The following NUP160 variants were observed in gnomAD, a reference collection of about 807,000 sequenced individuals.
NUP160 encodes the protein nucleoporin 160.
Under a neutral mutation model 196.9 loss-of-function variants are expected in NUP160, and 94 were observed. The observed-to-expected ratio is 0.48, with a 90% CI of 0.40 to 0.57. The LOEUF is 0.57. NUP160 is among the 20% of genes least tolerant of loss of function. The pLI is 0.00. For missense variants in NUP160, 1,638 were observed against 1,748.3 expected (o/e 0.94, Z 1.13); for synonymous variants, 605 against 619.7 (o/e 0.98, Z 0.35).
exon 15 of NUP160, chr11:47,812,998 C>T: frequency 6.2e-7 from 1 of 1,612,512 alleles, no homozygotes; most frequent in Non-Finnish European, 8.5e-7. Context: ...ACTCTTCAAT[C>T]AGCCGGAGGC....
chr11:47,778,890 A>G (rs1478012637), exon 36 of NUP160: 1 of 445,402 alleles, frequency 2.2e-6, no homozygotes, highest in Non-Finnish European at 4.0e-6. Flanking sequence ...CAGCTATTTG[A>G]GACCAAGGTT....
intron 33 of NUP160, among the ~76,000 whole-genome samples, chr11:47,784,042 AC>A (rs2097663079): frequency 6.6e-6 from 1 of 151,986 alleles, no homozygotes; most frequent in Non-Finnish European, 1.5e-5. Flanking sequence ...AAAAAACAAA[AC>A]AAAACAAAAC....
chr11:47,840,591 G>A lies in NUP160; in HGVS notation c.315-3C>T, dbSNP rs1380682559. On this transcript the variant is annotated splice_region_variant and splice_polypyrimidine_tract_variant and intron_variant, in intron 2 of 35. Coordinates refer to ENST00000378460, the Ensembl canonical transcript of NUP160. ...CCAATGTATCTCCAGAGGTCTTCCT[G>A]TTGAAAAAGAGACATTTGTTTGAAA... The A allele has an allele frequency of 3.2e-6, 5 of 1,570,174 alleles. No individual in the cohort carries two copies. The highest frequency in any genetic ancestry group is 1.2e-5 in the South Asian group (1 of 86,018).
chr11:47,827,354 A>C (rs1219576490), intron 7 of NUP160, among the ~76,000 whole-genome samples: 1 of 146,994 alleles, frequency 6.8e-6, no homozygotes, highest in Non-Finnish European at 1.5e-5. Context: ...ACGGAGTGAG[A>C]CACTGTCTCA....
intron 34 of NUP160, among the ~76,000 whole-genome samples, chr11:47,782,306 ATATATATATATATATATAT>A (rs2097661756): frequency 0.011 from 472 of 42,320 alleles, 71 homozygotes; most frequent in African/African-American, 0.025. Flanking sequence ...AAAAAAAAAT[ATATATATATATATATATAT>A]ATATATATAT....
At chr11:47,781,558 C>T (rs144045809) in intron 34 of NUP160, among the ~76,000 whole-genome samples, 286 of 152,250 alleles carry the variant, frequency 1.9e-3, no homozygotes, top group Middle Eastern at 0.014. Flanking sequence ...GCTATTGCAC[C>T]TGGCTGATTT....
intron 20 of NUP160, among the ~76,000 whole-genome samples, chr11:47,805,113 T>TA (rs142650655): frequency 0.033 from 5,046 of 152,066 alleles, 280 homozygotes; most frequent in African/African-American, 0.12. Context: ...AGTCATTCAA[T>TA]AAATATTTGT....
chr11:47,819,561 G>A lies in NUP160; in HGVS notation c.1278-103C>T, dbSNP rs565465059. ...CAGGGAGGACCCCATCACGGAACCC[G>A]GCAATGACTGCTTCATCAATTCTAT... On this transcript the variant is annotated intron_variant, in intron 9 of 35. Coordinates refer to ENST00000378460, the Ensembl canonical transcript of NUP160. The A allele has an allele frequency of 6.4e-5, 40 of 621,348 alleles. No homozygotes were observed. In the South Asian group the frequency reaches 8.2e-4, roughly 13 times the overall value. The allele number at this position is 621,348 out of a possible 1,614,324, so 38.5% of individuals were successfully genotyped here.
At chr11:47,824,802 G>A (rs1438001442) in intron 7 of NUP160, among the ~76,000 whole-genome samples, 1 of 136,690 alleles carries the variant, frequency 7.3e-6, no homozygotes, top group Non-Finnish European at 1.7e-5. Flanking sequence ...ACCCGACCCA[G>A]CTTTTTCTTT....
intron 15 of NUP160, 89 bp downstream of exon 15, chr11:47,812,793 C>T (rs1361547111): frequency 2.7e-5 from 28 of 1,040,536 alleles, no homozygotes; most frequent in East Asian, 1.7e-4. Context: ...CTATTCTGTA[C>T]GCTCTGGAAC....
exon 8 of NUP160, chr11:47,822,129 A>G: frequency 1.2e-6 from 2 of 1,611,444 alleles, no homozygotes; most frequent in Non-Finnish European, 1.7e-6. Context: ...GACTATAGCG[A>G]TTACTCTCAG....
chr11:47,792,581 C>A lies in NUP160; in HGVS notation c.3450+205G>T. On this transcript the variant is annotated intron_variant, in intron 28 of 35. Transcript: ENST00000378460. ...CCAAAACCACTCTGCAATATTTCTT[C>A]CTACAATAATTCTGAACTTGAAAAC... 1 of 488,758 alleles carries A rather than the reference C, an allele frequency of 2.0e-6. No homozygotes were observed. The highest frequency in any genetic ancestry group is 3.5e-6 in the Non-Finnish European group (1 of 282,752). The allele number at this position is 488,758 out of a possible 1,614,324, so 30.3% of individuals were successfully genotyped here.
intron 34 of NUP160, 45 bp from the exon 35 acceptor site, chr11:47,780,492 A>G: frequency 7.7e-7 from 1 of 1,299,642 alleles, no homozygotes; most frequent in Non-Finnish European, 1.1e-6. Context: ...AAAGTGTACC[A>G]TTTCTTCTGG....
chr11:47,795,904 C>T (rs1359403543), intron 27 of NUP160, among the ~76,000 whole-genome samples: 1 of 151,992 alleles, frequency 6.6e-6, no homozygotes, highest in Non-Finnish European at 1.5e-5. Context: ...GTAATTCCAG[C>T]ACTTTGGGAA....
At chr11:47,848,222 T>C in exon 1 of NUP160, 2 of 1,614,142 alleles carry the variant, frequency 1.2e-6, no homozygotes, top group Non-Finnish European at 1.7e-6. Flanking sequence ...TCCGTACCAA[T>C]GCTGCAGACT....
chr11:47,779,287 C>T (rs2135334590), intron 35 of NUP160, 93 bp from the exon 36 acceptor site: 1 of 762,362 alleles, frequency 1.3e-6, no homozygotes, highest in Non-Finnish European at 2.2e-6. Context: ...AAGTAGATTC[C>T]ACCTTATAAA....
chr11:47,788,656 A>C (rs773445891), intron 29 of NUP160, 45 bp from the exon 30 acceptor site: 1 of 1,221,386 alleles, frequency 8.2e-7, no homozygotes, highest in East Asian at 2.3e-5. Context: ...AATACAAAGA[A>C]GTATCCATCA....
chr11:47,822,231 C>T, intron 7 of NUP160, 67 bp from the exon 8 acceptor site: 1 of 1,104,482 alleles, frequency 9.1e-7, no homozygotes, highest in Non-Finnish European at 1.3e-6. Flanking sequence ...GAAGCAAGGG[C>T]TATTACCATT....
At chr11:47,818,379 G>A (rs1851780528) in intron 10 of NUP160, among the ~76,000 whole-genome samples, 2 of 152,180 alleles carry the variant, frequency 1.3e-5, no homozygotes, top group South Asian at 2.1e-4. Context: ...CAGAAAACAA[G>A]CTTTGTCAAA....
Sources: allele counts gnomAD v4.1 joint callset (sites outside exome capture counted in the v4.1 genomes callset), GRCh38; gene constraint gnomAD v4.1.1; transcripts MANE v1.5; gene names NCBI Gene and HGNC (gene_info 2026-07-23, HGNC 2026-07-21).